The following WSCD2 variants were observed in gnomAD, a reference collection of about 807,000 sequenced individuals.
The protein encoded by WSCD2 is sialate:O-sulfotransferase 2.
Under a neutral mutation model 55.7 loss-of-function variants are expected in WSCD2, and 28 were observed. The observed-to-expected ratio is 0.50, with a 90% CI of 0.37 to 0.69. The LOEUF is 0.69. WSCD2 is among the 30% of genes least tolerant of loss of function. The pLI, the probability that WSCD2 is intolerant of heterozygous loss-of-function variation, is 0.00. For missense variants in WSCD2, 616 were observed against 762.1 expected (o/e 0.81, Z 2.26); for synonymous variants, 301 against 301.9 (o/e 1.00, Z 0.03).
intron 7 of WSCD2, 26 bp downstream of exon 7, chr12:108,232,921 G>A (rs1888923419): frequency 1.2e-6 from 2 of 1,602,340 alleles, no homozygotes; most frequent in Non-Finnish European, 1.7e-6. Flanking sequence ...GGAGGGCAGG[G>A]CAAGAGGTTC....
intron 1 of WSCD2, among the ~76,000 whole-genome samples, chr12:108,133,400 T>A (rs1485166604): frequency 6.6e-6 from 1 of 152,178 alleles, no homozygotes; most frequent in Non-Finnish European, 1.5e-5. Flanking sequence ...TCTGAGCGTG[T>A]TTGCCTGTTT....
chr12:108,245,123 ACTT>A (rs1047705267), intron 8 of WSCD2, among the ~76,000 whole-genome samples: 2 of 152,074 alleles, frequency 1.3e-5, no homozygotes, highest in African/African-American at 4.8e-5. Context: ...ATTGAATGGT[ACTT>A]CTATTTTTAG....
At chr12:108,169,979 G>C (rs1880063288) in intron 1 of WSCD2, among the ~76,000 whole-genome samples, 1 of 152,194 alleles carries the variant, frequency 6.6e-6, no homozygotes, top group African/African-American at 2.4e-5. Context: ...CCAAGAAGCT[G>C]AAGGCAGAGA....
At chr12:108,168,376 T>C (rs1158384636) in intron 1 of WSCD2, among the ~76,000 whole-genome samples, 6 of 152,150 alleles carry the variant, frequency 3.9e-5, no homozygotes, top group Middle Eastern at 3.2e-3. Flanking sequence ...TCTCCATGTC[T>C]CCCTTAAATG....
chr12:108,200,373 G>A (rs982800896), intron 2 of WSCD2, among the ~76,000 whole-genome samples: 12 of 152,194 alleles, frequency 7.9e-5, no homozygotes, highest in African/African-American at 2.9e-4. Flanking sequence ...AAGAGGCAGA[G>A]CTGACTCCAG....
At chr12:108,175,510 ATG>A (rs1474435513) in intron 1 of WSCD2, among the ~76,000 whole-genome samples, 1 of 152,190 alleles carries the variant, frequency 6.6e-6, no homozygotes, top group Non-Finnish European at 1.5e-5. Context: ...CCCTGTGCAA[ATG>A]TGTTTTTATG....
In WSCD2 at chr12:108,206,390, A is replaced by G; in HGVS notation, c.484A>G (p.Asn162Asp). 6.2e-7 allele frequency: 1 copy of G among 1,614,232 alleles called. No individual in the cohort carries two copies. Among genetic ancestry groups the G allele is most frequent in the Non-Finnish European group, 8.5e-7 (1 of 1,180,038 alleles). The change falls in exon 3 of 9, where the codon AAC (asparagine) becomes GAC (aspartate). Residue 162 changes from asparagine (N) to aspartate (D), a missense_variant. Physicochemically the swap from Asn to Asp is conservative, Grantham distance 23 (BLOSUM62 1). Transcript: ENST00000547525. ...KKMTIFRCQD[N>D]CAERGYLYGG... is the part of the protein sequence containing the mutation. ...GATGACCATCTTCCGTTGCCAGGAC[A>G]ACTGTGCTGAACGGTAGGGTCCCAG...
At chr12:108,207,548 T>G (rs1885562144) in intron 3 of WSCD2, among the ~76,000 whole-genome samples, 3 of 145,812 alleles carry the variant, frequency 2.1e-5, no homozygotes. Flanking sequence ...TTTTTTTTTT[T>G]TTTTTTTTTT....
chr12:108,250,001 A>G lies in WSCD2; in HGVS notation c.*1658A>G, dbSNP rs1890342314. ...CTGGGAGGTTGACTCTCTCTGGGAGACTCTTGGTCCAAGACCTGGGTCAGT... is the reference window on the plus strand; with the variant it reads ...CTGGGAGGTTGACTCTCTCTGGGAGGCTCTTGGTCCAAGACCTGGGTCAGT... On this transcript the variant is annotated 3_prime_UTR_variant, in exon 9 of 9. Transcript: ENST00000547525. 6.6e-6 allele frequency: 1 copy of G among 152,194 alleles called. No individual in the cohort carries two copies. The highest frequency in any genetic ancestry group is 1.9e-4 in the East Asian group (1 of 5,148). 9.4% of individuals were successfully genotyped at this position (152,194 alleles called of 1,614,324 possible). A position where few individuals can be genotyped will look rare whatever the true frequency, so the allele number is the denominator to read the frequency against.
chr12:108,189,796 T>C (rs930515426), intron 1 of WSCD2: 3 of 152,156 alleles, frequency 2.0e-5, no homozygotes, highest in Non-Finnish European at 2.9e-5. Flanking sequence ...TTAATTATTA[T>C]ATACATGCAT....
chr12:108,198,743 G>A (rs1443526222), intron 2 of WSCD2, among the ~76,000 whole-genome samples: 3 of 152,140 alleles, frequency 2.0e-5, no homozygotes, highest in African/African-American at 7.2e-5. Flanking sequence ...CTTGTTATTT[G>A]TAGTAATATT....
chr12:108,221,565 C>A (rs1480145358), intron 4 of WSCD2, among the ~76,000 whole-genome samples: 1 of 152,124 alleles, frequency 6.6e-6, no homozygotes, highest in African/African-American at 2.4e-5. Context: ...TCTCAGCAAC[C>A]CAGGCCACAA....
intron 1 of WSCD2, among the ~76,000 whole-genome samples, chr12:108,173,808 C>CTGTG (rs1300986533): frequency 1.7e-4 from 17 of 100,972 alleles, no homozygotes; most frequent in African/African-American, 7.2e-4. Context: ...ATTCCTGGCT[C>CTGTG]TCTGTGTGTG....
chr12:108,201,516 G>T, intron 2 of WSCD2, among the ~76,000 whole-genome samples: 1 of 137,262 alleles, frequency 7.3e-6, no homozygotes, highest in South Asian at 2.7e-4. Context: ...GTTGGGGTGT[G>T]GGTGGGGGGC....
At chr12:108,147,553 C>G (rs537292932) in intron 1 of WSCD2, among the ~76,000 whole-genome samples, 3 of 152,240 alleles carry the variant, frequency 2.0e-5, no homozygotes, top group Admixed American at 1.3e-4. Context: ...GGCTGCCCTA[C>G]TCATTTATTC....
chr12:108,203,301 C>T (rs1884943503), intron 2 of WSCD2, among the ~76,000 whole-genome samples: 1 of 152,172 alleles, frequency 6.6e-6, no homozygotes, highest in South Asian at 2.1e-4. Flanking sequence ...TTCTTCCTGT[C>T]ACTCTCATCT....
At chr12:108,199,867 A>T (rs1884438452) in intron 2 of WSCD2, among the ~76,000 whole-genome samples, 1 of 152,166 alleles carries the variant, frequency 6.6e-6, no homozygotes, top group Non-Finnish European at 1.5e-5. Flanking sequence ...GCACTACATC[A>T]CGTCACTTCT....
chr12:108,197,399 T>A (rs1318457369), intron 2 of WSCD2, among the ~76,000 whole-genome samples: 1 of 99,214 alleles, frequency 1.0e-5, no homozygotes, highest in Non-Finnish European at 2.1e-5. Flanking sequence ...GAACCAATGC[T>A]CACAGGGAGG....
Position 108,244,420 on chromosome 12 carries a change from A to G in WSCD2, c.1346-3571A>G. Reference sequence around the variant, plus strand: ...GCTTTTGGAGGGATGTTTGGACTAAAATGATGGAGCATGTGGAGAGTCAGG... The same window carrying G: ...GCTTTTGGAGGGATGTTTGGACTAAGATGATGGAGCATGTGGAGAGTCAGG... On this transcript the variant is annotated intron_variant, in intron 8 of 8. Transcript: ENST00000547525. 3 of 683,624 alleles carry G rather than the reference A, an allele frequency of 4.4e-6. No homozygotes were observed. In the East Asian group the frequency reaches 8.1e-5, roughly 19 times the overall value. 42.3% of individuals were successfully genotyped at this position (683,624 alleles called of 1,614,324 possible). A position where few individuals can be genotyped will look rare whatever the true frequency, so the allele number is the denominator to read the frequency against.
Sources: gnomAD v4.1 joint callset for allele counts (sites outside exome capture counted in the v4.1 genomes callset) on GRCh38, gnomAD v4.1.1 for gene constraint, MANE v1.5 for transcripts, NCBI Gene and HGNC (gene_info 2026-07-23, HGNC 2026-07-21) for gene names.